The following NKAIN3 variants were observed in gnomAD, a reference collection of about 807,000 sequenced individuals.
NKAIN3 encodes the protein sodium/potassium-transporting ATPase subunit beta-1-interacting protein 3.
Under a neutral mutation model 30.2 loss-of-function variants are expected in NKAIN3, and 25 were observed. The observed-to-expected ratio is 0.83, with a 90% CI of 0.60 to 1.16. The LOEUF is 1.16. NKAIN3 is among the 50% of genes most tolerant of loss of function. The probability of loss-of-function intolerance (pLI) is 0.00; values close to 1 mark genes in which losing one functional copy is unlikely to be tolerated. For missense variants in NKAIN3, 225 were observed against 254.1 expected (o/e 0.89, Z 0.78); for synonymous variants, 91 against 89.6 (o/e 1.02, Z -0.09).
chr8:62,250,439 A>T (rs1812063843), intron 1 of NKAIN3, among the ~76,000 whole-genome samples: 1 of 152,208 alleles, frequency 6.6e-6, no homozygotes, highest in South Asian at 2.1e-4. Flanking sequence ...CTTGAAAAAA[A>T]TTTTAAAAAT....
intron 4 of NKAIN3, among the ~76,000 whole-genome samples, chr8:62,904,109 A>T (rs771205837): frequency 2.6e-4 from 39 of 152,194 alleles, no homozygotes; most frequent in Non-Finnish European, 5.0e-4. Flanking sequence ...CCAAATTAGT[A>T]GCCACATGTT....
At chr8:62,730,336 GT>G in intron 3 of NKAIN3, among the ~76,000 whole-genome samples, 1 of 152,162 alleles carries the variant, frequency 6.6e-6, no homozygotes, top group East Asian at 1.9e-4. Flanking sequence ...CCAGAACAGT[GT>G]AGGCACAAAT....
chr8:62,345,267 A>ACG (rs1815895610), intron 1 of NKAIN3, among the ~76,000 whole-genome samples: 1 of 149,732 alleles, frequency 6.7e-6, no homozygotes, highest in African/African-American at 2.5e-5. Flanking sequence ...ATACACACAC[A>ACG]CACACACATA....
intron 1 of NKAIN3, among the ~76,000 whole-genome samples, chr8:62,393,625 T>C (rs2129594712): frequency 6.6e-6 from 1 of 152,128 alleles, no homozygotes; most frequent in African/African-American, 2.4e-5. Context: ...GCTTGTCAAA[T>C]TCTTATATAG....
chr8:62,877,276 T>C (rs1490897316), intron 4 of NKAIN3, among the ~76,000 whole-genome samples: 1 of 152,220 alleles, frequency 6.6e-6, no homozygotes, highest in Non-Finnish European at 1.5e-5. Flanking sequence ...AAGAAAATTT[T>C]CTTCAAGTCT....
intron 4 of NKAIN3, among the ~76,000 whole-genome samples, chr8:62,798,564 T>C (rs985769421): frequency 7.0e-6 from 1 of 143,254 alleles, no homozygotes; most frequent in African/African-American, 2.8e-5. Flanking sequence ...AGAGTGAGAC[T>C]CCGTCCCCCC....
intron 1 of NKAIN3, among the ~76,000 whole-genome samples, chr8:62,305,477 C>T (rs1202547748): frequency 6.6e-6 from 1 of 150,500 alleles, no homozygotes. Context: ...ACACATGGAC[C>T]AATATACTTC....
chr8:62,286,921 T>C (rs1813396981), intron 1 of NKAIN3, among the ~76,000 whole-genome samples: 1 of 151,904 alleles, frequency 6.6e-6, no homozygotes, highest in African/African-American at 2.4e-5. Flanking sequence ...AAATTTATTT[T>C]GGACTATTTC....
Position 62,968,592 on chromosome 8 carries a change from CT to C in NKAIN3, c.*3186del. ...TCAATAGCTCTCCTCAGAAGTGGCCCTGGCAAAACTGAAGATAGGACATCCA... is the reference window on the plus strand; with the variant it reads ...TCAATAGCTCTCCTCAGAAGTGGCCCGGCAAAACTGAAGATAGGACATCCA... On this transcript the variant is annotated 3_prime_UTR_variant, in exon 7 of 7. Transcript: ENST00000623646. Among the ~76,000 whole-genome samples, 1 of 152,306 alleles carries C rather than the reference CT, an allele frequency of 6.6e-6. No individual in the cohort carries two copies. The highest frequency in any genetic ancestry group is 1.5e-5 in the Non-Finnish European group (1 of 68,032).
At chr8:62,372,928 A>C (rs1816954375) in intron 1 of NKAIN3, among the ~76,000 whole-genome samples, 1 of 152,122 alleles carries the variant, frequency 6.6e-6, no homozygotes, top group Non-Finnish European at 1.5e-5. Context: ...CCTTTAGAAA[A>C]GAAAGAACAT....
intron 1 of NKAIN3, among the ~76,000 whole-genome samples, chr8:62,362,026 G>T (rs992007990): frequency 2.9e-4 from 44 of 152,276 alleles, no homozygotes; most frequent in African/African-American, 9.9e-4. Context: ...CCTTCATAAT[G>T]CAGTGTAGCT....
At chr8:62,309,699 T>G (rs896292813) in intron 1 of NKAIN3, among the ~76,000 whole-genome samples, 1 of 150,432 alleles carries the variant, frequency 6.6e-6, no homozygotes, top group African/African-American at 2.5e-5. Flanking sequence ...TTGACAAGTA[T>G]GATTATTCAG....
At chr8:62,821,634 G>A (rs575390001) in intron 4 of NKAIN3, among the ~76,000 whole-genome samples, 1 of 152,138 alleles carries the variant, frequency 6.6e-6, no homozygotes, top group South Asian at 2.1e-4. Context: ...ACTGAAAGTA[G>A]AAGACACATA....
intron 4 of NKAIN3, among the ~76,000 whole-genome samples, chr8:62,824,027 T>G (rs1318418552): frequency 6.6e-6 from 1 of 152,184 alleles, no homozygotes; most frequent in Non-Finnish European, 1.5e-5. Flanking sequence ...CTATGCAATC[T>G]TAACAAAGAC....
At chr8:62,250,316 A>G (rs1309161502) in intron 1 of NKAIN3, among the ~76,000 whole-genome samples, 1 of 152,178 alleles carries the variant, frequency 6.6e-6, no homozygotes, top group Non-Finnish European at 1.5e-5. Flanking sequence ...CATTGTTCAC[A>G]TAATGCATGC....
At chr8:62,567,113 C>G (rs540152233) in intron 1 of NKAIN3, among the ~76,000 whole-genome samples, 1 of 152,192 alleles carries the variant, frequency 6.6e-6, no homozygotes, top group South Asian at 2.1e-4. Flanking sequence ...TATAATGCTA[C>G]TTCAATGAAT....
intron 4 of NKAIN3, among the ~76,000 whole-genome samples, chr8:62,765,562 G>C (rs7015211): frequency 6.6e-6 from 1 of 151,924 alleles, no homozygotes; most frequent in African/African-American, 2.4e-5. Context: ...ATTTATATTT[G>C]TATAGGAGCT....
intron 1 of NKAIN3, among the ~76,000 whole-genome samples, chr8:62,481,897 C>A (rs556471203): frequency 6.6e-6 from 1 of 152,128 alleles, no homozygotes; most frequent in South Asian, 2.1e-4. Context: ...GTGTGTTTAC[C>A]GAATGAATCT....
At chr8:62,660,080 G>A (rs920415909) in intron 3 of NKAIN3, among the ~76,000 whole-genome samples, 2 of 152,086 alleles carry the variant, frequency 1.3e-5, no homozygotes, top group African/African-American at 4.8e-5. Flanking sequence ...TCAGGGGGAG[G>A]TCTGCCTGCT....
Sources: allele counts gnomAD v4.1 joint callset (sites outside exome capture counted in the v4.1 genomes callset), GRCh38; gene constraint gnomAD v4.1.1; transcripts MANE v1.5; gene names NCBI Gene and HGNC (gene_info 2026-07-23, HGNC 2026-07-21).